Variants in ETV6 observed in about 807,000 individuals in gnomAD.
The protein encoded by ETV6 is ETS variant transcription factor 6, also known as transcription factor ETV6.
ETV6 carries 16 observed loss-of-function variants against 51.1 expected under a neutral mutation model. That is an observed-to-expected ratio of 0.31 (90% CI 0.21 to 0.48). The LOEUF (loss-of-function observed/expected upper bound fraction) is 0.48. Among genes scored for constraint, ETV6 ranks in the 20% least tolerant of loss-of-function variants. ETV6 has a pLI of 0.99. For missense variants in ETV6, 458 were observed against 594.8 expected, an observed-to-expected ratio of 0.77 and a Z score of 2.39; for synonymous variants, 240 against 224.1, an observed-to-expected ratio of 1.07 and a Z score of -0.64.
chr12:11,869,532 G>C lies in ETV6; in HGVS notation c.572G>C (p.Arg191Pro). 1 of 1,613,988 alleles carries C rather than the reference G, an allele frequency of 6.2e-7. No homozygotes were observed. The highest frequency in any genetic ancestry group is 8.5e-7 in the Non-Finnish European group (1 of 1,180,002). ...AGGTCACCTATCACGACAAATCACC[G>C]GCCTTCTCCTGACCCCGAGCAGCGG... is the stretch of plus-strand genomic sequence containing the variant. ...RSRSPITTNHRPSPDPEQRPL... is the reference protein window; with the variant it reads ...RSRSPITTNHPPSPDPEQRPL... Residue 191 changes from arginine to proline, a missense_variant, in exon 5 of 8, where the codon CGG becomes CCG. Transcript: ENST00000396373. This position sits in a 1 kb window ranked among gnomAD's most constrained non-coding sequence, Gnocchi z 5.0.
chr12:11,874,756 ATTCTT>A (rs1196172228), intron 5 of ETV6, among the ~76,000 whole-genome samples: 1 of 151,074 alleles, frequency 6.6e-6, no homozygotes, highest in African/African-American at 2.4e-5. Context: ...TTTTTCATAA[ATTCTT>A]TTCATTATCT....
chr12:11,825,398 G>A (rs963454989), intron 2 of ETV6, among the ~76,000 whole-genome samples: 8 of 152,108 alleles, frequency 5.3e-5, no homozygotes, highest in African/African-American at 1.2e-4. Context: ...ATTGAAGAAC[G>A]GCAAAGAAAT....
chr12:11,669,428 TC>T (rs1864267856), intron 1 of ETV6, among the ~76,000 whole-genome samples: 1 of 144,702 alleles, frequency 6.9e-6, no homozygotes, highest in Non-Finnish European at 1.5e-5. Context: ...CTTCCTTTCT[TC>T]CTTTCTTCCC....
intron 1 of ETV6, among the ~76,000 whole-genome samples, chr12:11,714,669 A>AAG (rs1865240224): frequency 2.0e-5 from 3 of 151,602 alleles, no homozygotes; most frequent in Admixed American, 1.3e-4. Context: ...AAAAAAAAAA[A>AAG]AAAGATCTGT....
rs538112010 is a variant in ETV6 at position 11,777,809 on chromosome 12, G to A, written c.163+25230G>A. 2.8e-4 allele frequency among the ~76,000 whole-genome samples: 43 copies of A among 151,398 alleles called. 1 individual carries two copies. In the South Asian group the frequency reaches 8.6e-3, roughly 30 times the overall value. ...CCTGTAATTCTAGTTCATCCTTTTG[G>A]CCCCAGTTTAAGCCATTTATTCATG... On this transcript the variant is annotated intron_variant, in intron 2 of 7. Transcript: ENST00000396373.
chr12:11,777,865 C>T (rs1196682782), intron 2 of ETV6, among the ~76,000 whole-genome samples: 1 of 152,118 alleles, frequency 6.6e-6, no homozygotes, highest in Non-Finnish European at 1.5e-5. Context: ...ACCAGCACCT[C>T]CAATGGGCTT....
chr12:11,796,643 G>C (rs1385045902), intron 2 of ETV6, among the ~76,000 whole-genome samples: 2 of 152,196 alleles, frequency 1.3e-5, no homozygotes, highest in African/African-American at 4.8e-5. Context: ...GCTGTGCACT[G>C]TCCATGCGTG....
At chr12:11,882,329 C>T (rs1947109622) in intron 5 of ETV6, among the ~76,000 whole-genome samples, 1 of 152,072 alleles carries the variant, frequency 6.6e-6, no homozygotes, top group African/African-American at 2.4e-5. Context: ...CTGGAAAGTC[C>T]TAAGATTTTA....
Position 11,650,481 on chromosome 12 carries a change from T to TAAAAAAAAAA in ETV6, c.33+326_33+335dup, listed in dbSNP as rs367594605. Among the ~76,000 whole-genome samples, 161 of 43,304 alleles carry TAAAAAAAAAA rather than the reference T, an allele frequency of 3.7e-3. 16 individuals are homozygous for TAAAAAAAAAA. The highest frequency in any genetic ancestry group is 8.2e-3 in the African/African-American group (97 of 11,762). 28.4% of individuals were successfully genotyped at this position (43,304 alleles called of 152,430 possible). A position where few individuals can be genotyped will look rare whatever the true frequency, so the allele number is the denominator to read the frequency against. ...AAAACACCCCCGTAATTAGTGCGCT[T>TAAAAAAAAAA]AAAAAAAAAAAAAACAAAAAACAAA... On this transcript the variant is annotated intron_variant, in intron 1 of 7. Transcript: ENST00000396373.
chr12:11,720,538 G>T (rs1412582580), intron 1 of ETV6, among the ~76,000 whole-genome samples: 2 of 152,190 alleles, frequency 1.3e-5, no homozygotes, highest in African/African-American at 4.8e-5. Context: ...GCAGAAGAAT[G>T]AAACTGAACC....
chr12:11,835,119 C>T (rs1191656350), intron 2 of ETV6, among the ~76,000 whole-genome samples: 3 of 152,306 alleles, frequency 2.0e-5, no homozygotes, highest in Non-Finnish European at 4.4e-5. Context: ...CTGGGTGTGT[C>T]ACTGAAGGAT....
chr12:11,808,464 A>G (rs1442747297), intron 2 of ETV6, among the ~76,000 whole-genome samples: 1 of 152,086 alleles, frequency 6.6e-6, no homozygotes, highest in Admixed American at 6.5e-5. Context: ...AAACCCACAA[A>G]TGCAACAATA....
chr12:11,670,646 A>G (rs1423952306), intron 1 of ETV6, among the ~76,000 whole-genome samples: 1 of 152,200 alleles, frequency 6.6e-6, no homozygotes, highest in African/African-American at 2.4e-5. Context: ...AAAGCAGAGA[A>G]GCTCACACTC....
chr12:11,717,239 A>G (rs959734285), intron 1 of ETV6, among the ~76,000 whole-genome samples: 5 of 152,254 alleles, frequency 3.3e-5, no homozygotes, highest in Admixed American at 1.3e-4. Context: ...TCCTGAGAGC[A>G]GACAAACCTG....
chr12:11,792,759 A>G (rs1289376305), intron 2 of ETV6, among the ~76,000 whole-genome samples: 1 of 152,090 alleles, frequency 6.6e-6, no homozygotes, highest in Non-Finnish European at 1.5e-5. Flanking sequence ...TCATTCATCT[A>G]CTGTAAAACC....
In ETV6 at chr12:11,895,276, A is replaced by C. The variant is rs888559237; in HGVS notation, c.*4230A>C. ...GTTTATAAGGGACTGAATCAAATGAATGTAACAAAAAAGAAAAAAAAAACA... is the reference window on the plus strand; with the variant it reads ...GTTTATAAGGGACTGAATCAAATGACTGTAACAAAAAAGAAAAAAAAAACA... On this transcript the variant is annotated 3_prime_UTR_variant, in exon 8 of 8. Coordinates refer to ENST00000396373, the MANE Select transcript of ETV6 (RefSeq NM_001987.5). 4.9e-5 allele frequency: 11 copies of C among 224,642 alleles called. No individual in the cohort carries two copies. Among genetic ancestry groups the C allele is most frequent in the Non-Finnish European group, 8.8e-5 (10 of 113,788 alleles). The allele number at this position is 224,642 out of a possible 1,614,324, so 13.9% of individuals were successfully genotyped here.
intron 2 of ETV6, among the ~76,000 whole-genome samples, chr12:11,780,693 C>CA (rs1438288016): frequency 6.6e-6 from 1 of 152,218 alleles, no homozygotes; most frequent in African/African-American, 2.4e-5. Context: ...CCTTAAGACT[C>CA]AAACACTGTG....
chr12:11,797,765 G>T (rs797015249), intron 2 of ETV6, among the ~76,000 whole-genome samples: 12 of 152,320 alleles, frequency 7.9e-5, no homozygotes, highest in African/African-American at 2.6e-4. Context: ...AGACAGCCAA[G>T]CATCTCACTG....
At chr12:11,850,488 C>T (rs1176909972) in intron 3 of ETV6, among the ~76,000 whole-genome samples, 1 of 152,196 alleles carries the variant, frequency 6.6e-6, no homozygotes, top group Non-Finnish European at 1.5e-5. Flanking sequence ...CCTTAGAGAT[C>T]TACACACCTG....
Sources: gnomAD v4.1 joint callset for allele counts (sites outside exome capture counted in the v4.1 genomes callset) on GRCh38, gnomAD v4.1.1 for gene constraint, Gnocchi (gnomAD v3.1) non-coding constraint, MANE v1.5 for transcripts, NCBI Gene and HGNC (gene_info 2026-07-23, HGNC 2026-07-21) for gene names.